EMSY: variants seen among roughly 807,000 people sequenced by gnomAD.
EMSY encodes the protein BRCA2-interacting transcriptional repressor EMSY.
EMSY carries 26 observed loss-of-function variants against 134.6 expected under a neutral mutation model. The ratio of observed to expected loss-of-function variants is 0.19; its 90% CI spans 0.14 to 0.27. The LOEUF (loss-of-function observed/expected upper bound fraction) is 0.27. Among genes scored for constraint, EMSY ranks in the 10% least tolerant of loss-of-function variants. EMSY has a pLI of 1.00. For missense variants in EMSY, 1,305 were observed against 1,611.4 expected (o/e 0.81, Z 3.26); for synonymous variants, 579 against 577.8 (o/e 1.00, Z -0.03).
exon 10 of EMSY, chr11:76,513,514 A>G (rs1363507515): frequency 6.2e-7 from 1 of 1,613,388 alleles, no homozygotes; most frequent in African/African-American, 1.3e-5. Context: ...TATGACAACT[A>G]AACTGGTAAC....
intron 15 of EMSY, among the ~76,000 whole-genome samples, chr11:76,537,576 GTATGTAAGT>G (rs1951270728): frequency 6.6e-6 from 1 of 152,186 alleles, no homozygotes; most frequent in Non-Finnish European, 1.5e-5. Flanking sequence ...TTGTGTTATT[GTATGTAAGT>G]CCTTCTTACT....
exon 21 of EMSY, chr11:76,551,362 A>G (rs1196493591): frequency 6.5e-6 from 1 of 152,788 alleles, no homozygotes; most frequent in African/African-American, 2.4e-5. Flanking sequence ...AGATTTCACT[A>G]TAAATAAGCA....
At chr11:76,544,480 G>A (rs1473625427) in exon 19 of EMSY, 2 of 1,614,020 alleles carry the variant, frequency 1.2e-6, no homozygotes, top group East Asian at 4.5e-5. Context: ...CTAAACAGAA[G>A]CAGACCATCC....
rs779060230 is a variant in EMSY at position 76,496,537 on chromosome 11, C to T, written c.1363+68C>T. On this transcript the variant is annotated intron_variant, in intron 9 of 20. Coordinates refer to ENST00000334736, the Ensembl canonical transcript of EMSY. ...TCACCAGTTTTTTTAGTCTTCCAGT[C>T]CATGAACACGGTATGTCTCTTCATT... 19 of 1,530,100 alleles carry T rather than the reference C, an allele frequency of 1.2e-5. No homozygotes were observed. In the Middle Eastern group the frequency reaches 6.7e-4, roughly 54 times the overall value. The allele number at this position is 1,530,100 out of a possible 1,614,324, so 94.8% of individuals were successfully genotyped here. A position where few individuals can be genotyped will look rare whatever the true frequency, so the allele number is the denominator to read the frequency against.
At chr11:76,535,185 G>T (rs1392699204) in intron 14 of EMSY, among the ~76,000 whole-genome samples, 1 of 152,124 alleles carries the variant, frequency 6.6e-6, no homozygotes, top group Non-Finnish European at 1.5e-5. Flanking sequence ...AATTCTATGA[G>T]GAAGAGAGAT....
At position 76,501,751 on chromosome 11, in the gene EMSY, GAGAAA is replaced by G. The variant is rs1356237448; in HGVS notation, c.1363+5293_1363+5297del. On this transcript the variant is annotated intron_variant, in intron 9 of 20. Coordinates refer to ENST00000334736, the Ensembl canonical transcript of EMSY. ...AATGGAAGTACGAGAGTTGGGAAGA[GAGAAA>G]AGAAAAGAAATATTCAAAGAAATAA... 2.6e-5 allele frequency among the ~76,000 whole-genome samples: 4 copies of G among 152,106 alleles called. No homozygotes were observed. The East Asian group carries it at 5.8e-4, about 22-fold the overall frequency.
In EMSY at chr11:76,481,104, C is replaced by T. The variant is rs141847706; in HGVS notation, c.1108+8264C>T. Among the ~76,000 whole-genome samples, 1,041 of 152,236 alleles carry T rather than the reference C, an allele frequency of 6.8e-3. 10 individuals carry two copies. Among genetic ancestry groups the T allele is most frequent in the Middle Eastern group, 0.01 (3 of 294 alleles). On this transcript the variant is annotated intron_variant, in intron 8 of 20. Transcript: ENST00000334736. The stretch of plus-strand genomic sequence containing the variant: ...TGTTGCCCAGGCTGGAGTGCCATGG[C>T]GCTATCTCGGCTCACTGCAAGCTCT...
At chr11:76,476,450 C>T (rs1024262219) in intron 8 of EMSY, among the ~76,000 whole-genome samples, 1 of 152,056 alleles carries the variant, frequency 6.6e-6, no homozygotes, top group Non-Finnish European at 1.5e-5. Context: ...TTATTGCTTA[C>T]CCTGAGGTAC....
At chr11:76,543,215 C>T (rs1342489174) in intron 18 of EMSY, among the ~76,000 whole-genome samples, 2 of 152,150 alleles carry the variant, frequency 1.3e-5, no homozygotes, top group African/African-American at 2.4e-5. Context: ...CACCATCACT[C>T]ACATGATGAT....
At chr11:76,473,915 G>T (rs1948677023) in intron 8 of EMSY, among the ~76,000 whole-genome samples, 1 of 146,744 alleles carries the variant, frequency 6.8e-6, no homozygotes, top group Non-Finnish European at 1.5e-5. Flanking sequence ...GAATCGTTTG[G>T]ATCACTTGAG....
chr11:76,507,841 TTTTTTCTTTTTC>T (rs1476749927), intron 9 of EMSY, among the ~76,000 whole-genome samples: 1 of 149,106 alleles, frequency 6.7e-6, no homozygotes, highest in African/African-American at 2.5e-5. Context: ...AAATGCATTT[TTTTTTCTTTTTC>T]TTTTTCTTTT....
chr11:76,465,426 G>A (rs956546988), intron 7 of EMSY, among the ~76,000 whole-genome samples: 3 of 151,918 alleles, frequency 2.0e-5, no homozygotes, highest in South Asian at 2.1e-4. Flanking sequence ...TAGGATTTTT[G>A]GGTGTAAATA....
At chr11:76,488,546 T>TA (rs1434164159) in intron 8 of EMSY, among the ~76,000 whole-genome samples, 4 of 152,078 alleles carry the variant, frequency 2.6e-5, no homozygotes, top group African/African-American at 7.2e-5. Flanking sequence ...TTTTTTTTTT[T>TA]ATTTTTTAGC....
intron 2 of EMSY, 86 bp downstream of exon 2, chr11:76,447,094 A>G: frequency 7.2e-6 from 9 of 1,254,676 alleles, no homozygotes; most frequent in Non-Finnish European, 1.0e-5. Flanking sequence ...CATGGATGTC[A>G]TATCTCACGC....
intron 8 of EMSY, among the ~76,000 whole-genome samples, chr11:76,485,266 T>G (rs1424129643): frequency 6.6e-6 from 1 of 151,982 alleles, no homozygotes; most frequent in Non-Finnish European, 1.5e-5. Context: ...CAGGCCAATA[T>G]CCCTGATGAA....
exon 20 of EMSY, chr11:76,545,998 A>C (rs1233308975): frequency 4.3e-6 from 7 of 1,614,056 alleles, no homozygotes; most frequent in Admixed American, 3.3e-5. Flanking sequence ...GGAAGCTCAG[A>C]TTGATACAAA....
chr11:76,459,146 G>A (rs6592638), intron 5 of EMSY: 1 of 152,202 alleles, frequency 6.6e-6, no homozygotes, highest in East Asian at 1.9e-4. Flanking sequence ...ATCTACTGAC[G>A]CTCAGGTAGA....
chr11:76,547,061 C>T, intron 20 of EMSY: 1 of 454,882 alleles, frequency 2.2e-6, no homozygotes, highest in Non-Finnish European at 4.4e-6. Context: ...TCCAGGCTAC[C>T]CCTTAGAAGT....
rs1202073506 is a variant in EMSY, at chr11:76,458,109, A to G, written c.246-74A>G. The G allele has an allele frequency of 8.7e-6, 12 of 1,375,754 alleles. No homozygotes were observed. The East Asian group carries it at 2.7e-4, about 31-fold the overall frequency. 85.2% of individuals were successfully genotyped at this position (1,375,754 alleles called of 1,614,324 possible). A position where few individuals can be genotyped will look rare whatever the true frequency, so the allele number is the denominator to read the frequency against. ...CTTTTTATAATTTAAAAAGTTATAT[A>G]TGTTTGAGCATATATGTTTGATTTG... On this transcript the variant is annotated intron_variant, in intron 4 of 20. Transcript: ENST00000334736.
Sources: gnomAD v4.1 joint callset for allele counts (sites outside exome capture counted in the v4.1 genomes callset) on GRCh38, gnomAD v4.1.1 for gene constraint, MANE v1.5 for transcripts, NCBI Gene and HGNC (gene_info 2026-07-23, HGNC 2026-07-21) for gene names.